Variants in HSD17B4 observed in about 807,000 individuals in gnomAD.
HSD17B4 encodes peroxisomal multifunctional enzyme type 2.
A neutral mutation model predicts 101.0 loss-of-function variants in HSD17B4; 70 were observed. The observed-to-expected ratio is 0.69, with a 90% confidence interval of 0.57 to 0.85. HSD17B4 has a LOEUF of 0.85. Among genes scored for constraint, HSD17B4 ranks in the 40% least tolerant of loss-of-function variants. The pLI is 0.00. For synonymous variants in HSD17B4, 347 were observed against 297.1 expected, an observed-to-expected ratio of 1.17 and a Z score of -1.73; for missense variants, 984 against 892.4, an observed-to-expected ratio of 1.10 and a Z score of -1.31.
At chr5:119,486,757 A>G (rs1256894701) in intron 8 of HSD17B4, among the ~76,000 whole-genome samples, 1 of 152,156 alleles carries the variant, frequency 6.6e-6, no homozygotes, top group Non-Finnish European at 1.5e-5. Context: ...AAGAACAAGA[A>G]TTTTTCTAGG....
chr5:119,460,081 T>A (rs189810972), intron 2 of HSD17B4, among the ~76,000 whole-genome samples: 1 of 152,096 alleles, frequency 6.6e-6, no homozygotes, highest in Non-Finnish European at 1.5e-5. Context: ...TTCACTGTGT[T>A]AGCCAGGATG....
At position 119,473,924 on chromosome 5, in the gene HSD17B4, G is replaced by A. The variant is rs2126682524; in HGVS notation, c.129G>A (p.Gly43=). The change falls in exon 3 of 24, where the codon GGG becomes GGA. Residue 43 remains glycine (G), a synonymous_variant. Coordinates refer to ENST00000510025, the MANE Select transcript of HSD17B4 (RefSeq NM_000414.4). ...GALVVVNDLG[G]DFKGVGKGSL... is the part of the protein sequence containing the mutation. Reference sequence around the variant, plus strand: ...GCATTACAGTGAATGATTTGGGAGGGGACTTCAAAGGAGTTGGTAAAGGCT... The same window carrying A: ...GCATTACAGTGAATGATTTGGGAGGAGACTTCAAAGGAGTTGGTAAAGGCT... 1 of 1,597,212 alleles carries A rather than the reference G, an allele frequency of 6.3e-7. No individual in the cohort carries two copies. The highest frequency in any genetic ancestry group is 8.6e-7 in the Non-Finnish European group (1 of 1,164,666).
At chr5:119,506,961 A>G (rs35916235) in intron 15 of HSD17B4, 72 bp downstream of exon 15, 421 of 748,360 alleles carry the variant, frequency 5.6e-4, no homozygotes, top group Admixed American at 9.0e-4. Flanking sequence ...ATACTTCACC[A>G]TAGAAGTTGA....
intron 2 of HSD17B4, among the ~76,000 whole-genome samples, chr5:119,469,295 A>G (rs1340336567): frequency 2.1e-5 from 3 of 145,116 alleles, no homozygotes; most frequent in African/African-American, 7.6e-5. Context: ...CTGTTTTTCC[A>G]TGTTTCTTTT....
At position 119,504,745 on chromosome 5, in the gene HSD17B4, A is replaced by G. The variant is rs550547930; in HGVS notation, c.1262-2073A>G. Among the ~76,000 whole-genome samples the G allele has an allele frequency of 3.3e-5, 5 of 151,854 alleles. No individual in the cohort carries two copies. The East Asian group carries it at 9.7e-4, about 29-fold the overall frequency. On this transcript the variant is annotated intron_variant, in intron 14 of 23. Transcript: ENST00000510025. ...TTTAGGTTGTCTGTTTACTCTGTTC[A>G]TAGTTTAATTAGGTCCTACTTGTTA...
intron 13 of HSD17B4, 165 bp downstream of exon 13, chr5:119,499,718 AAG>A (rs1318750168): frequency 1.9e-5 from 8 of 419,072 alleles, no homozygotes; most frequent in African/African-American, 1.5e-4. Flanking sequence ...TTAAGAATAA[AAG>A]AGGGGAGAGT....
At chr5:119,505,506 T>C (rs1453316395) in intron 14 of HSD17B4, among the ~76,000 whole-genome samples, 3 of 152,192 alleles carry the variant, frequency 2.0e-5, no homozygotes, top group Non-Finnish European at 4.4e-5. Context: ...TTTGTGCTAT[T>C]GTAAATGAGA....
intron 2 of HSD17B4, among the ~76,000 whole-genome samples, chr5:119,460,440 A>G (rs984019644): frequency 6.6e-6 from 1 of 152,236 alleles, no homozygotes; most frequent in Non-Finnish European, 1.5e-5. Context: ...TCCCTTGGAT[A>G]CCTCCATGAC....
At chr5:119,477,861 C>T (rs757370856) in intron 7 of HSD17B4, 7 of 210,504 alleles carry the variant, frequency 3.3e-5, no homozygotes, top group Middle Eastern at 1.8e-3. Flanking sequence ...AAGCAGTCCT[C>T]CCACCTCAGC....
intron 16 of HSD17B4, among the ~76,000 whole-genome samples, chr5:119,510,057 T>C (rs1247758248): frequency 6.6e-6 from 1 of 152,248 alleles, no homozygotes; most frequent in Non-Finnish European, 1.5e-5. Flanking sequence ...TATATTACCA[T>C]ATATGTAATC....
chr5:119,514,186 C>T (rs1752412437), intron 16 of HSD17B4, among the ~76,000 whole-genome samples: 1 of 152,070 alleles, frequency 6.6e-6, no homozygotes, highest in African/African-American at 2.4e-5. Flanking sequence ...CTTTTAGAAG[C>T]AGCAACTTCC....
At chr5:119,517,934 T>G (rs1752782605) in intron 17 of HSD17B4, among the ~76,000 whole-genome samples, 1 of 152,158 alleles carries the variant, frequency 6.6e-6, no homozygotes, top group African/African-American at 2.4e-5. Flanking sequence ...TGTATCTAGC[T>G]AATCTGATGG....
intron 8 of HSD17B4, among the ~76,000 whole-genome samples, chr5:119,480,549 T>C (rs1331929608): frequency 6.6e-6 from 1 of 152,038 alleles, no homozygotes; most frequent in Non-Finnish European, 1.5e-5. Flanking sequence ...TAATAGAATA[T>C]CACAAGGCAA....
At chr5:119,487,464 CTG>C (rs1310851347) in intron 8 of HSD17B4, 1 of 151,908 alleles carries the variant, frequency 6.6e-6, no homozygotes, top group East Asian at 1.9e-4. Flanking sequence ...TGGGACTTCT[CTG>C]ATCTTTTATT....
chr5:119,496,406 C>T (rs1445750346), intron 11 of HSD17B4, 137 bp from the exon 12 acceptor site: 7 of 649,864 alleles, frequency 1.1e-5, no homozygotes, highest in African/African-American at 1.8e-5. Flanking sequence ...GACATACATT[C>T]AGTTCATGAG....
chr5:119,516,258 A>T (rs1051289638), intron 17 of HSD17B4, among the ~76,000 whole-genome samples: 5 of 152,268 alleles, frequency 3.3e-5, no homozygotes, highest in Admixed American at 2.6e-4. Flanking sequence ...TGTTTACATA[A>T]GGCTTAATTG....
At chr5:119,469,081 TA>T (rs1756098483) in intron 2 of HSD17B4, among the ~76,000 whole-genome samples, 1 of 151,918 alleles carries the variant, frequency 6.6e-6, no homozygotes, top group Admixed American at 6.6e-5. Context: ...TTTTTAATGA[TA>T]TATATATCTT....
At chr5:119,481,325 C>G (rs887629089) in intron 8 of HSD17B4, among the ~76,000 whole-genome samples, 1 of 152,290 alleles carries the variant, frequency 6.6e-6, no homozygotes, top group East Asian at 1.9e-4. Flanking sequence ...CAGCCGGTCT[C>G]TCTGTTTGGG....
intron 2 of HSD17B4, among the ~76,000 whole-genome samples, chr5:119,462,780 A>G (rs1755396825): frequency 6.6e-6 from 1 of 152,186 alleles, no homozygotes; most frequent in Non-Finnish European, 1.5e-5. Context: ...TCATACCTTT[A>G]TACAGTGTGT....
Sources: allele counts gnomAD v4.1 joint callset (sites outside exome capture counted in the v4.1 genomes callset), GRCh38; gene constraint gnomAD v4.1.1; transcripts MANE v1.5; gene names NCBI Gene and HGNC (gene_info 2026-07-23, HGNC 2026-07-21).